The following DNAH17 variants were observed in gnomAD, a reference collection of about 807,000 sequenced individuals.
DNAH17 encodes the protein axonemal beta dynein heavy chain 17.
DNAH17 carries 376 observed loss-of-function variants against 485.6 expected under a neutral mutation model. The ratio of observed to expected loss-of-function variants is 0.77; its 90% CI spans 0.71 to 0.84. The LOEUF (loss-of-function observed/expected upper bound fraction) is 0.84, where lower values mean the gene tolerates loss of function less well. DNAH17 is among the 40% of genes least tolerant of loss of function. DNAH17 has a pLI of 0.00. For missense variants in DNAH17, 6,370 were observed against 5,839.3 expected, an observed-to-expected ratio of 1.09 and a Z score of -2.96; for synonymous variants, 3,031 against 2,405.9, an observed-to-expected ratio of 1.26 and a Z score of -7.60.
intron 49 of DNAH17, among the ~76,000 whole-genome samples, chr17:78,480,013 CTTTTTTTTTTTTTTTTTTTTTTTTTT>C (rs370344478): frequency 8.5e-5 from 6 of 70,518 alleles, no homozygotes; most frequent in Admixed American, 7.5e-4. Flanking sequence ...ACAACAAGTA[CTTTTTTTTTTTTTTTTTTTTTTTTTT>C]TTTTTTTTTT....
chr17:78,491,710 G>C (rs1233457574), intron 42 of DNAH17, 140 bp from the exon 43 acceptor site: 6 of 1,354,248 alleles, frequency 4.4e-6, no homozygotes, highest in Non-Finnish European at 5.9e-6. Context: ...TCGGGCATGA[G>C]GTGCCCAGGC....
At chr17:78,560,183 C>T (rs1260923725) in intron 13 of DNAH17, among the ~76,000 whole-genome samples, 1 of 152,172 alleles carries the variant, frequency 6.6e-6, no homozygotes, top group East Asian at 1.9e-4. Flanking sequence ...ACTAATTTAT[C>T]CCAAGCACAT....
At chr17:78,452,601 G>A (rs773718701) in intron 65 of DNAH17, among the ~76,000 whole-genome samples, 55 of 152,306 alleles carry the variant, frequency 3.6e-4, no homozygotes, top group African/African-American at 1.2e-3. Flanking sequence ...AGCTGGGCAC[G>A]TTGGTGTGTT....
chr17:78,568,098 G>T (rs74481482), intron 9 of DNAH17, among the ~76,000 whole-genome samples: 2,728 of 152,310 alleles, frequency 0.018, 88 homozygotes, highest in African/African-American at 0.062. Context: ...GGAGGACACA[G>T]ACAAGCTGGC....
At chr17:78,446,862 T>C (rs2087328135) in intron 69 of DNAH17, among the ~76,000 whole-genome samples, 1 of 152,192 alleles carries the variant, frequency 6.6e-6, no homozygotes, top group African/African-American at 2.4e-5. Context: ...CAGGCTGGTC[T>C]TGAACTACTG....
Position 78,537,300 on chromosome 17 carries a change from T to C in DNAH17, c.2858A>G (p.Lys953Arg). 1 of 1,560,494 alleles carries C rather than the reference T, an allele frequency of 6.4e-7. No homozygotes were observed. Among genetic ancestry groups the C allele is most frequent in the Non-Finnish European group, 8.7e-7 (1 of 1,152,382 alleles). ...CGGCCAGAAGAGGCCAGGACTGACCTTGTAGTTCATCCTGTCCTTGGCCAG... is the reference window on the plus strand; with the variant it reads ...CGGCCAGAAGAGGCCAGGACTGACCCTGTAGTTCATCCTGTCCTTGGCCAG... ...PRLAKDRMNY[K>R]MDLEDNTDLI... The change falls in exon 19 of 81, where the codon AAG becomes AGG. Residue 953 changes from lysine (K) to arginine (R), a missense_variant and splice_region_variant. Transcript: ENST00000389840.
intron 54 of DNAH17, among the ~76,000 whole-genome samples, chr17:78,471,910 C>A (rs563379095): frequency 1.5e-4 from 23 of 152,332 alleles, no homozygotes; most frequent in African/African-American, 5.5e-4. Flanking sequence ...CGATGGCCGC[C>A]TCATCCCCAG....
chr17:78,529,218 T>C (rs971503143), intron 22 of DNAH17, among the ~76,000 whole-genome samples: 1 of 151,980 alleles, frequency 6.6e-6, no homozygotes, highest in Non-Finnish European at 1.5e-5. Context: ...GGGATTACAA[T>C]GAAGACATTT....
intron 20 of DNAH17, 70 bp from the exon 21 acceptor site, chr17:78,530,582 A>G (rs929880371): frequency 5.9e-6 from 9 of 1,526,250 alleles, no homozygotes; most frequent in Non-Finnish European, 8.0e-6. Flanking sequence ...ACAGGGCCTC[A>G]GTCCAGGGCC....
In DNAH17 at chr17:78,486,458, G is replaced by C; in HGVS notation, c.6867C>G (p.Ala2289=). The C allele has an allele frequency of 6.2e-7, 1 of 1,613,342 alleles. No homozygotes were observed. Among genetic ancestry groups the C allele is most frequent in the Admixed American group, 1.7e-5 (1 of 60,010 alleles). Reference sequence around the variant, plus strand: ...ACTTGTCAAAGAGGATCATCAGGTTGGCCTTCTCCGACTGCACCTTGCGCC... The same window carrying C: ...ACTTGTCAAAGAGGATCATCAGGTTCGCCTTCTCCGACTGCACCTTGCGCC... The part of the protein sequence containing the change: ...IERRKVQSEK[A]NLMILFDKYL... Residue 2289 remains alanine (A), a synonymous_variant, in exon 45 of 81, where the codon GCC becomes GCG. Coordinates refer to ENST00000389840, the MANE Select transcript of DNAH17 (RefSeq NM_173628.4).
rs72925862 is a variant in DNAH17 at position 78,466,792 on chromosome 17, C to G, written c.8803G>C (p.Gly2935Arg). 1.1e-5 allele frequency: 18 copies of G among 1,598,418 alleles called. No homozygotes were observed. The highest frequency in any genetic ancestry group is 1.5e-5 in the Non-Finnish European group (18 of 1,172,922). The change falls in exon 56 of 81, where the codon GGC (glycine) becomes CGC (arginine). Residue 2935 changes from glycine to arginine, a missense_variant. Physicochemically the swap from Gly to Arg is moderately radical, Grantham distance 125 (BLOSUM62 -2). Coordinates refer to ENST00000389840, the MANE Select transcript of DNAH17 (RefSeq NM_173628.4). ...CTGGCTCGTACCCGCAGCACGGAGC[C>G]CACAGGGGAGAAACACAGGATCACC... is the stretch of plus-strand genomic sequence containing the variant. ...LKVILCFSPV[G>R]SVLRVRARKF...
chr17:78,549,848 C>T (rs181452689), intron 16 of DNAH17, among the ~76,000 whole-genome samples: 23 of 152,320 alleles, frequency 1.5e-4, no homozygotes, highest in Admixed American at 1.4e-3. Flanking sequence ...AGACCCTGCA[C>T]CTGCTGCGGC....
At chr17:78,531,601 G>T (rs946046147) in intron 20 of DNAH17, among the ~76,000 whole-genome samples, 2 of 151,922 alleles carry the variant, frequency 1.3e-5, no homozygotes, top group Non-Finnish European at 2.9e-5. Flanking sequence ...GCCTCCCAAA[G>T]TGCTGGTATC....
At chr17:78,439,047 C>A in intron 73 of DNAH17, 43 bp downstream of exon 73, 2 of 1,597,868 alleles carry the variant, frequency 1.3e-6, no homozygotes, top group Non-Finnish European at 1.7e-6. Flanking sequence ...TTGGCCACCT[C>A]AGTGCGGGGA....
At position 78,566,624 on chromosome 17, in the gene DNAH17, G is replaced by A. The variant is rs1302587426; in HGVS notation, c.1559C>T (p.Ser520Phe). 1.2e-5 allele frequency: 19 copies of A among 1,606,112 alleles called. No individual in the cohort carries two copies. Among genetic ancestry groups the A allele is most frequent in the Admixed American group, 3.4e-5 (2 of 59,006 alleles). The change falls in exon 11 of 81, where the codon TCC (serine) becomes TTC (phenylalanine). Residue 520 changes from serine to phenylalanine, a missense_variant. Ser to Phe is a radical substitution (Grantham distance 155, BLOSUM62 -2). Coordinates refer to ENST00000389840, the MANE Select transcript of DNAH17 (RefSeq NM_173628.4). The stretch of plus-strand genomic sequence containing the variant: ...CCACTGCATGCTTACCTTTGCGGAG[G>A]ACTTGATACAGCTGCAGTCATCAAA... ...QGFDDCSCIK[S>F]SAKLLYMCGG...
rs2091473444 is a variant in DNAH17 at position 78,539,829 on chromosome 17, A to G, written c.2584T>C (p.Tyr862His). The change falls in exon 18 of 81, where the codon TAT becomes CAT. Residue 862 changes from tyrosine (Y) to histidine (H), a missense_variant. Coordinates refer to ENST00000389840, the MANE Select transcript of DNAH17 (RefSeq NM_173628.4). ...ACCATGTCGTCAATGTAGATGACAT[A>G]ATCCTTCCAGGGCAGGCTCAGTGTG... ...ADTLSLPWKD[Y>H]VIYIDDMVLD... is the part of the protein sequence containing the mutation. The G allele has an allele frequency of 6.2e-7, 1 of 1,611,760 alleles. No individual in the cohort carries two copies.
At chr17:78,549,830 A>G (rs2091858083) in intron 16 of DNAH17, among the ~76,000 whole-genome samples, 1 of 152,038 alleles carries the variant, frequency 6.6e-6, no homozygotes, top group Non-Finnish European at 1.5e-5. Flanking sequence ...CCTGCAGCCA[A>G]CCCTCTGAGA....
intron 56 of DNAH17, among the ~76,000 whole-genome samples, chr17:78,464,949 GCTCTCC>G (rs542160540): frequency 1.1e-3 from 173 of 152,238 alleles, no homozygotes; most frequent in African/African-American, 3.3e-3. Flanking sequence ...CTCACTTATC[GCTCTCC>G]CTCTCCCTCT....
chr17:78,540,455 G>GTGGATGGGTGGGTGGA (rs373354408), intron 17 of DNAH17, among the ~76,000 whole-genome samples: 1 of 18,614 alleles, frequency 5.4e-5, no homozygotes, highest in African/African-American at 2.5e-4. Context: ...GGATGGGTGG[G>GTGGATGGGTGGGTGGA]TGGGTGGGTG....
Sources: allele counts gnomAD v4.1 joint callset (sites outside exome capture counted in the v4.1 genomes callset), GRCh38; gene constraint gnomAD v4.1.1; transcripts MANE v1.5; gene names NCBI Gene and HGNC (gene_info 2026-07-23, HGNC 2026-07-21).